Variants in MDGA2 observed in about 807,000 individuals in gnomAD.
The protein encoded by MDGA2 is MAM domain-containing glycosylphosphatidylinositol anchor protein 2.
Under a neutral mutation model 117.8 loss-of-function variants are expected in MDGA2, and 40 were observed. The ratio of observed to expected loss-of-function variants is 0.34; its 90% CI spans 0.26 to 0.44. MDGA2 has a LOEUF of 0.44. MDGA2 is among the 20% of genes least tolerant of loss of function. The probability of loss-of-function intolerance (pLI) is 1.00; values close to 1 mark genes in which losing one functional copy is unlikely to be tolerated. For synonymous variants in MDGA2, 452 were observed against 439.0 expected (o/e 1.03, Z -0.37); for missense variants, 1,123 against 1,250.6 (o/e 0.90, Z 1.54).
intron 8 of MDGA2, among the ~76,000 whole-genome samples, chr14:46,967,974 G>A (rs898086297): frequency 4.6e-5 from 7 of 152,098 alleles, no homozygotes; most frequent in Middle Eastern, 3.4e-3. Flanking sequence ...GACCCCCAGG[G>A]CTTCACAACC....
At chr14:47,355,275 G>A (rs891756435) in intron 1 of MDGA2, among the ~76,000 whole-genome samples, 5 of 152,118 alleles carry the variant, frequency 3.3e-5, no homozygotes, top group Non-Finnish European at 4.4e-5. Context: ...AAGGTATCAG[G>A]AACCCAACCT....
At chr14:47,190,065 G>A (rs1334823603) in intron 3 of MDGA2, among the ~76,000 whole-genome samples, 2 of 152,256 alleles carry the variant, frequency 1.3e-5, no homozygotes, top group South Asian at 2.1e-4. Flanking sequence ...TCAGGTTCCT[G>A]GCTATTTACT....
chr14:47,564,952 C>T (rs961390253), intron 1 of MDGA2, among the ~76,000 whole-genome samples: 5 of 152,004 alleles, frequency 3.3e-5, no homozygotes, highest in African/African-American at 1.2e-4. Context: ...TTTTCAACTC[C>T]ATCAGCTCAG....
downstream of MDGA2, among the ~76,000 whole-genome samples, chr14:46,839,678 C>G (rs1485064980): frequency 6.6e-6 from 1 of 151,766 alleles, no homozygotes; most frequent in Non-Finnish European, 1.5e-5. Context: ...TCTCTTTGGT[C>G]TGATAAAGTA....
At chr14:47,152,472 C>T (rs1011113076) in intron 3 of MDGA2, among the ~76,000 whole-genome samples, 8 of 152,022 alleles carry the variant, frequency 5.3e-5, no homozygotes, top group Non-Finnish European at 7.4e-5. Context: ...ATAGAAACCT[C>T]GTCTCTTTTA....
chr14:47,656,512 T>A (rs1317451096), intron 1 of MDGA2, among the ~76,000 whole-genome samples: 2 of 152,138 alleles, frequency 1.3e-5, no homozygotes, highest in African/African-American at 4.8e-5. Context: ...ATAAGTTGTA[T>A]GGAAAGAGAA....
At chr14:47,390,894 T>C (rs1037653019) in intron 1 of MDGA2, among the ~76,000 whole-genome samples, 2 of 152,270 alleles carry the variant, frequency 1.3e-5, no homozygotes, top group African/African-American at 2.4e-5. Context: ...TGAATTCTTT[T>C]CCTACCATAG....
chr14:47,151,175 G>A (rs972438837), intron 3 of MDGA2, among the ~76,000 whole-genome samples: 20 of 152,188 alleles, frequency 1.3e-4, no homozygotes, highest in African/African-American at 4.6e-4. Flanking sequence ...GAGGGATTAG[G>A]CAGTGGAATG....
chr14:47,050,919 C>T (rs1889436221), intron 7 of MDGA2, among the ~76,000 whole-genome samples: 1 of 151,886 alleles, frequency 6.6e-6, no homozygotes, highest in Non-Finnish European at 1.5e-5. Context: ...TGGAATATGG[C>T]TCTGATAATC....
At chr14:47,537,206 C>CA (rs1347668037) in intron 1 of MDGA2, among the ~76,000 whole-genome samples, 1 of 147,444 alleles carries the variant, frequency 6.8e-6, no homozygotes, top group African/African-American at 2.5e-5. Context: ...ATCGCAAGGA[C>CA]AAAAAAACCA....
intron 2 of MDGA2, among the ~76,000 whole-genome samples, chr14:47,280,170 T>A (rs1353520526): frequency 6.6e-6 from 1 of 151,432 alleles, no homozygotes; most frequent in African/African-American, 2.4e-5. Flanking sequence ...CAAAATTATC[T>A]GGGCGTGGTG....
intron 6 of MDGA2, among the ~76,000 whole-genome samples, chr14:47,096,478 T>C (rs1879975455): frequency 6.6e-6 from 1 of 151,906 alleles, no homozygotes; most frequent in Non-Finnish European, 1.5e-5. Flanking sequence ...TAAAAGTTTA[T>C]TAAATTGATA....
At chr14:47,330,282 T>C (rs1890256964) in intron 1 of MDGA2, among the ~76,000 whole-genome samples, 1 of 151,982 alleles carries the variant, frequency 6.6e-6, no homozygotes, top group African/African-American at 2.4e-5. Flanking sequence ...CAAGAATTAT[T>C]ATTCCTTTAT....
intron 6 of MDGA2, among the ~76,000 whole-genome samples, chr14:47,095,849 T>C (rs911043257): frequency 1.3e-5 from 2 of 152,058 alleles, no homozygotes; most frequent in African/African-American, 4.8e-5. Flanking sequence ...TCTATACATT[T>C]GATTATGTTT....
intron 8 of MDGA2, among the ~76,000 whole-genome samples, chr14:47,022,706 A>G (rs1033122776): frequency 2.6e-5 from 4 of 152,188 alleles, no homozygotes; most frequent in Non-Finnish European, 5.9e-5. Context: ...TGAAGATTGT[A>G]AAGAGTGGGC....
rs1054728999 is a variant in MDGA2 at position 47,143,953 on chromosome 14, A to C, written c.792+125T>G. 14 of 554,680 alleles carry C rather than the reference A, an allele frequency of 2.5e-5. No homozygotes were observed. The African/African-American group carries it at 2.7e-4, about 11-fold the overall frequency. The allele number at this position is 554,680 out of a possible 1,614,324, so 34.4% of individuals were successfully genotyped here. ...AAGTTCTCTAATCTTTAAGTCAAGC[A>C]CACATTGGTTTTTGAAAGGCCAGAA... On this transcript the variant is annotated intron_variant, in intron 4 of 16. Transcript: ENST00000399232.
chr14:47,410,494 G>A (rs1200436675), intron 1 of MDGA2, among the ~76,000 whole-genome samples: 1 of 151,580 alleles, frequency 6.6e-6, no homozygotes, highest in Non-Finnish European at 1.5e-5. Flanking sequence ...CTTAAAGTTT[G>A]TCTTTGTAAC....
chr14:47,098,479 C>T (rs1005633268), intron 5 of MDGA2, among the ~76,000 whole-genome samples: 5 of 151,426 alleles, frequency 3.3e-5, no homozygotes, highest in African/African-American at 1.2e-4. Flanking sequence ...GATTACAAAC[C>T]TGTTGGGAAA....
intron 2 of MDGA2, among the ~76,000 whole-genome samples, chr14:47,272,555 T>C (rs1259371347): frequency 6.6e-6 from 1 of 152,156 alleles, no homozygotes; most frequent in Non-Finnish European, 1.5e-5. Flanking sequence ...TAAACTCATA[T>C]CCAGGGTTAG....
Sources: allele counts gnomAD v4.1 joint callset (sites outside exome capture counted in the v4.1 genomes callset), GRCh38; gene constraint gnomAD v4.1.1; transcripts MANE v1.5; gene names NCBI Gene and HGNC (gene_info 2026-07-23, HGNC 2026-07-21).